NSUN4: variants seen among roughly 807,000 people sequenced by gnomAD.
NSUN4 encodes the protein 5-cytosine rRNA methyltransferase NSUN4.
NSUN4 carries 31 observed loss-of-function variants against 43.8 expected under a neutral mutation model. The ratio of observed to expected loss-of-function variants is 0.71; its 90% CI spans 0.53 to 0.96. NSUN4 has a LOEUF of 0.96. Ranked by LOEUF, NSUN4 falls within the 40% of genes least tolerant of loss-of-function variation. The probability of loss-of-function intolerance (pLI) is 0.00; values close to 1 mark genes in which losing one functional copy is unlikely to be tolerated. For missense variants in NSUN4, 439 were observed against 475.6 expected (o/e 0.92, Z 0.72); for synonymous variants, 167 against 184.1 (o/e 0.91, Z 0.75).
intron 3 of NSUN4, among the ~76,000 whole-genome samples, chr1:46,351,446 A>T (rs1426160454): frequency 6.6e-6 from 1 of 152,180 alleles, no homozygotes; most frequent in Non-Finnish European, 1.5e-5. Flanking sequence ...GAGGAGAATG[A>T]TTTTGGCTAA....
rs2148422434 is a variant in NSUN4, at chr1:46,362,715, T to A, written c.*869T>A. On this transcript the variant is annotated 3_prime_UTR_variant, in exon 6 of 6. Coordinates refer to ENST00000474844, the MANE Select transcript of NSUN4 (RefSeq NM_199044.4). The stretch of plus-strand genomic sequence containing the variant: ...TTCTGAACACCTAGGAATTTCCTGA[T>A]GTTTTGTTTTGTTGGATTCCAGACT... 2 of 152,326 alleles carry A rather than the reference T, an allele frequency of 1.3e-5. No individual in the cohort carries two copies. The highest frequency in any genetic ancestry group is 4.1e-4 in the South Asian group (2 of 4,824). The allele number at this position is 152,326 out of a possible 1,614,324, so 9.4% of individuals were successfully genotyped here.
At chr1:46,381,036 C>G in the NSUN4 span, among the ~76,000 whole-genome samples, 1 of 152,078 alleles carries the variant, frequency 6.6e-6, no homozygotes, top group East Asian at 1.9e-4. Flanking sequence ...GAGAGTCACA[C>G]AACAAGGATG....
chr1:46,342,066 T>C, intron 1 of NSUN4: 1 of 748,376 alleles, frequency 1.3e-6, no homozygotes. Flanking sequence ...CCCGGGAACT[T>C]GCCTCACGAT....
the NSUN4 span, among the ~76,000 whole-genome samples, chr1:46,382,291 T>C: frequency 2.0e-5 from 3 of 152,162 alleles, no homozygotes; most frequent in Admixed American, 6.5e-5. Context: ...CATCATACTT[T>C]AAGTAAAAAA....
chr1:46,342,748 C>T (rs1662203264), intron 1 of NSUN4: 2 of 399,350 alleles, frequency 5.0e-6, no homozygotes, highest in East Asian at 7.1e-5. Flanking sequence ...CCAGTTTCCC[C>T]CCAACCGAAG....
intron 3 of NSUN4, among the ~76,000 whole-genome samples, chr1:46,348,374 C>T (rs1300335845): frequency 6.6e-6 from 1 of 152,184 alleles, no homozygotes; most frequent in African/African-American, 2.4e-5. Flanking sequence ...CAACATTAGC[C>T]TTGCCTTAGG....
At chr1:46,341,077 GT>G in intron 1 of NSUN4, 158 bp downstream of exon 1, 2 of 1,167,934 alleles carry the variant, frequency 1.7e-6, no homozygotes, top group Non-Finnish European at 2.3e-6. Context: ...CACCGCCTCT[GT>G]CCGCACTCTA....
At chr1:46,347,451 A>G (rs569199397) in intron 3 of NSUN4, among the ~76,000 whole-genome samples, 1 of 152,118 alleles carries the variant, frequency 6.6e-6, no homozygotes, top group Non-Finnish European at 1.5e-5. Context: ...CACACACAAA[A>G]AAAGAATATG....
the NSUN4 span, among the ~76,000 whole-genome samples, chr1:46,378,605 C>G: frequency 6.6e-6 from 1 of 152,244 alleles, no homozygotes; most frequent in East Asian, 1.9e-4. Context: ...GGTTACTTAT[C>G]TGGGCAATGA....
At chr1:46,380,700 G>A in the NSUN4 span, among the ~76,000 whole-genome samples, 1 of 152,136 alleles carries the variant, frequency 6.6e-6, no homozygotes, top group Admixed American at 6.6e-5. Context: ...GGAAACTGAG[G>A]CACAAGAGGT....
chr1:46,358,534 T>C (rs1663566200), intron 4 of NSUN4, among the ~76,000 whole-genome samples: 1 of 151,402 alleles, frequency 6.6e-6, no homozygotes, highest in Non-Finnish European at 1.5e-5. Context: ...CCCGAGTAGC[T>C]GGGACTACAG....
At chr1:46,359,529 C>A (rs958536476) in intron 4 of NSUN4, among the ~76,000 whole-genome samples, 4 of 148,826 alleles carry the variant, frequency 2.7e-5, no homozygotes, top group Non-Finnish European at 5.9e-5. Context: ...ACTACAAGAG[C>A]GCTGCCACCA....
rs372801761 is a variant in NSUN4 at position 46,345,155 on chromosome 1, G to C, written c.437+11G>C. 4.8e-5 allele frequency: 76 copies of C among 1,585,472 alleles called. No individual in the cohort carries two copies. The highest frequency in any genetic ancestry group is 5.9e-5 in the Non-Finnish European group (69 of 1,165,664). On this transcript the variant is annotated intron_variant, in intron 2 of 5. Transcript: ENST00000474844. ...CTTCCCTCCTGCCAGGTAGGATCTG[G>C]AGCCATGACTGGAGCGGTCCTGAGT...
At chr1:46,374,762 G>A in the NSUN4 span, among the ~76,000 whole-genome samples, 1 of 152,234 alleles carries the variant, frequency 6.6e-6, no homozygotes, top group South Asian at 2.1e-4. Flanking sequence ...TACTTGGGAG[G>A]ATGAGGTGGA....
chr1:46,370,219 G>A, the NSUN4 span, among the ~76,000 whole-genome samples: 2 of 152,344 alleles, frequency 1.3e-5, no homozygotes, highest in South Asian at 4.1e-4. Context: ...AACTAGGACT[G>A]TTCTGAGGCA....
In NSUN4 at chr1:46,352,974, T is replaced by G; in HGVS notation, c.699T>G (p.Val233=). 1.2e-6 allele frequency: 2 copies of G among 1,614,184 alleles called. No homozygotes were observed. The highest frequency in any genetic ancestry group is 1.7e-6 in the Non-Finnish European group (2 of 1,180,006). ...TCAGGGATGGAAATCAAGTTCGAGTTACCTCATGGGATGGCAGGAAATGGG... is the reference window on the plus strand; with the variant it reads ...TCAGGGATGGAAATCAAGTTCGAGTGACCTCATGGGATGGCAGGAAATGGG... ...EEIRDGNQVR[V]TSWDGRKWGE... The change falls in exon 4 of 6, where the codon GTT becomes GTG. Residue 233 remains valine, a synonymous_variant. Coordinates refer to ENST00000474844, the MANE Select transcript of NSUN4 (RefSeq NM_199044.4).
the NSUN4 span, among the ~76,000 whole-genome samples, chr1:46,380,669 T>A: frequency 6.6e-6 from 1 of 152,222 alleles, no homozygotes; most frequent in African/African-American, 2.4e-5. Context: ...GTCACCAGTG[T>A]TATCCCCATT....
Position 46,361,712 on chromosome 1 carries a change from C to G in NSUN4, c.1021C>G (p.Leu341Val), listed in dbSNP as rs1663888532. 1.9e-6 allele frequency: 3 copies of G among 1,614,226 alleles called. No individual in the cohort carries two copies. In the Admixed American group the frequency reaches 5.0e-5, roughly 27 times the overall value. ...CAGCATCCAGGTACAGGTGGAAGAT[C>G]TGACTCACTTCCGAAGGGTTTTCAT... is the stretch of plus-strand genomic sequence containing the variant. ...QYSIQVQVEDLTHFRRVFMDT... is the reference protein window; with the variant it reads ...QYSIQVQVEDVTHFRRVFMDT... The change falls in exon 6 of 6, where the codon CTG becomes GTG. Residue 341 changes from leucine (L) to valine (V), a missense_variant. Leu to Val is a conservative substitution (Grantham distance 32, BLOSUM62 1). Transcript: ENST00000474844.
At chr1:46,342,885 C>G in intron 1 of NSUN4, 1 of 399,922 alleles carries the variant, frequency 2.5e-6, no homozygotes, top group African/African-American at 2.1e-5. Flanking sequence ...TCCCCCACCT[C>G]CCTCCTGCCT....
Sources: gnomAD v4.1 joint callset for allele counts (sites outside exome capture counted in the v4.1 genomes callset) on GRCh38, gnomAD v4.1.1 for gene constraint, MANE v1.5 for transcripts, NCBI Gene and HGNC (gene_info 2026-07-23, HGNC 2026-07-21) for gene names.